Variants in MANBAL observed in about 807,000 individuals in gnomAD.
MANBAL encodes the protein protein MANBAL.
MANBAL carries 1 observed loss-of-function variant against 6.4 expected under a neutral mutation model. The ratio of observed to expected loss-of-function variants is 0.16; its 90% CI spans 0.06 to 0.74. The LOEUF is 0.74. Among genes scored for constraint, MANBAL ranks in the 30% least tolerant of loss-of-function variants. The probability of loss-of-function intolerance (pLI) is 0.78; values close to 1 mark genes in which losing one functional copy is unlikely to be tolerated. For missense variants in MANBAL, 100 were observed against 107.8 expected, an observed-to-expected ratio of 0.93 and a Z score of 0.32; for synonymous variants, 47 against 45.8, an observed-to-expected ratio of 1.03 and a Z score of -0.10.
chr20:37,301,137 T>G, intron 1 of MANBAL, 71 bp from the exon 2 acceptor site: 1 of 772,182 alleles, frequency 1.3e-6, no homozygotes, highest in Non-Finnish European at 1.7e-6. Context: ...CTCCATCTCA[T>G]AAATAAATAA....
intron 2 of MANBAL, among the ~76,000 whole-genome samples, chr20:37,306,260 T>G (rs2069255645): frequency 6.6e-6 from 1 of 152,220 alleles, no homozygotes; most frequent in Non-Finnish European, 1.5e-5. Flanking sequence ...AGATAATATT[T>G]TTGGCTCCAG....
intron 1 of MANBAL, among the ~76,000 whole-genome samples, chr20:37,295,744 G>A (rs1222587536): frequency 6.6e-6 from 1 of 152,202 alleles, no homozygotes; most frequent in East Asian, 1.9e-4. Flanking sequence ...TGAAGTATGC[G>A]AGTTGCTGCC....
chr20:37,316,767 A>AT lies in MANBAL; in HGVS notation c.*355dup. 1 of 217,024 alleles carries AT rather than the reference A, an allele frequency of 4.6e-6. No individual in the cohort carries two copies. Among genetic ancestry groups the AT allele is most frequent in the Non-Finnish European group, 9.2e-6 (1 of 108,612 alleles). The allele number at this position is 217,024 out of a possible 1,614,324, so 13.4% of individuals were successfully genotyped here. On this transcript the variant is annotated 3_prime_UTR_variant, in exon 3 of 3. Coordinates refer to ENST00000373606, the MANE Select transcript of MANBAL (RefSeq NM_001003897.2). Reference sequence around the variant, plus strand: ...CCCCCTCCTTGTGGGTTTACACTACATTTGGGAGTCATTGTCTAATGCTGA... The same window carrying AT: ...CCCCCTCCTTGTGGGTTTACACTACATTTTGGGAGTCATTGTCTAATGCTGA...
intron 2 of MANBAL, among the ~76,000 whole-genome samples, chr20:37,308,997 T>C (rs1392458752): frequency 6.6e-6 from 1 of 152,226 alleles, no homozygotes; most frequent in East Asian, 1.9e-4. Context: ...TGTTTGTTGA[T>C]TGCCACCGTC....
intron 2 of MANBAL, among the ~76,000 whole-genome samples, chr20:37,307,250 G>A (rs2069279789): frequency 1.3e-5 from 2 of 152,164 alleles, no homozygotes; most frequent in Non-Finnish European, 2.9e-5. Context: ...ACAGGCATGA[G>A]CCAGTGTGCC....
intron 1 of MANBAL, chr20:37,299,017 T>C (rs2069068718): frequency 7.1e-6 from 1 of 140,752 alleles, no homozygotes; most frequent in African/African-American, 2.6e-5. Context: ...GCTTACACTT[T>C]GGGCGTAACC....
intron 1 of MANBAL, among the ~76,000 whole-genome samples, chr20:37,300,169 C>A (rs935991243): frequency 3.3e-5 from 5 of 152,162 alleles, no homozygotes; most frequent in African/African-American, 1.2e-4. Flanking sequence ...TTTACTCAAT[C>A]AAATTGGAGG....
chr20:37,291,187 C>G (rs953603741), intron 1 of MANBAL, among the ~76,000 whole-genome samples: 1 of 152,016 alleles, frequency 6.6e-6, no homozygotes, highest in East Asian at 1.9e-4. Context: ...CCCCAATAAC[C>G]TTTTTGTTTT....
chr20:37,301,207 G>GGA lies in MANBAL; in HGVS notation c.-56-1_-56insGA, dbSNP rs1335059020. 4.9e-6 allele frequency: 7 copies of GGA among 1,436,378 alleles called. No homozygotes were observed. The Admixed American group carries it at 9.6e-5, about 20-fold the overall frequency. The allele number at this position is 1,436,378 out of a possible 1,614,324, so 89.0% of individuals were successfully genotyped here. A position where few individuals can be genotyped will look rare whatever the true frequency, so the allele number is the denominator to read the frequency against. On this transcript the variant is annotated splice_region_variant and 5_prime_UTR_variant. Coordinates refer to ENST00000373606, the MANE Select transcript of MANBAL (RefSeq NM_001003897.2). ...TGACACTGACCCTTTGCATTTACAAGTTGGTTCTAAAGAGTGGTGAGTCAG... is the reference window on the plus strand; with the variant it reads ...TGACACTGACCCTTTGCATTTACAAGGATTGGTTCTAAAGAGTGGTGAGTCAG...
intron 1 of MANBAL, among the ~76,000 whole-genome samples, chr20:37,293,499 T>C (rs2068919891): frequency 6.6e-6 from 1 of 152,094 alleles, no homozygotes; most frequent in Admixed American, 6.5e-5. Flanking sequence ...GCTGTAAATA[T>C]AAAAGAAACT....
At chr20:37,307,257 T>G (rs1189513425) in intron 2 of MANBAL, among the ~76,000 whole-genome samples, 1 of 152,206 alleles carries the variant, frequency 6.6e-6, no homozygotes, top group Non-Finnish European at 1.5e-5. Context: ...TGAGCCAGTG[T>G]GCCCGGCTTG....
In MANBAL at chr20:37,304,200, A is replaced by G. The variant is rs184937029; in HGVS notation, c.150+2787A>G. On this transcript the variant is annotated intron_variant, in intron 2 of 2. Coordinates refer to ENST00000373606, the MANE Select transcript of MANBAL (RefSeq NM_001003897.2). ...GGTCAAAATGTTGTGTTTAGTAACT[A>G]TTTTTCTCTGTGTAGGTCTCCCATC... 4.6e-3 allele frequency among the ~76,000 whole-genome samples: 699 copies of G among 152,118 alleles called. 4 individuals carry two copies. The highest frequency in any genetic ancestry group is 7.1e-3 in the Non-Finnish European group (484 of 67,980).
At chr20:37,316,265 C>G (rs2069512880) in intron 2 of MANBAL, 43 bp from the exon 3 acceptor site, 1 of 1,574,518 alleles carries the variant, frequency 6.4e-7, no homozygotes, top group African/African-American at 1.4e-5. Context: ...TGGCGTCAGG[C>G]TTGATCCATC....
intron 2 of MANBAL, among the ~76,000 whole-genome samples, chr20:37,314,107 C>T (rs2069449317): frequency 6.6e-6 from 1 of 152,150 alleles, no homozygotes. Flanking sequence ...CTTTGCTTAG[C>T]TGTGGGCGGA....
intron 2 of MANBAL, 59 bp downstream of exon 2, chr20:37,301,472 A>G (rs1600905691): frequency 6.4e-7 from 1 of 1,571,372 alleles, no homozygotes; most frequent in East Asian, 2.3e-5. Context: ...TCTGAGTACT[A>G]ACAGTAGGTG....
chr20:37,306,436 C>T (rs1457276005), intron 2 of MANBAL, among the ~76,000 whole-genome samples: 2 of 152,148 alleles, frequency 1.3e-5, no homozygotes, highest in Non-Finnish European at 2.9e-5. Context: ...ATGCTTCCCA[C>T]CCCACCCCCT....
intron 2 of MANBAL, among the ~76,000 whole-genome samples, chr20:37,309,844 A>G (rs2069341518): frequency 6.6e-6 from 1 of 151,950 alleles, no homozygotes; most frequent in African/African-American, 2.4e-5. Flanking sequence ...CATTCTCAAC[A>G]CCTCAGGACA....
At position 37,316,410 on chromosome 20, in the gene MANBAL, C is replaced by CGGTAGAAGA; in HGVS notation, c.256_*6dup. 1 of 1,612,614 alleles carries CGGTAGAAGA rather than the reference C, an allele frequency of 6.2e-7. No homozygotes were observed. The highest frequency in any genetic ancestry group is 1.1e-5 in the South Asian group (1 of 91,012). ...GCCCAAGAAAGAGACTAAGAAGAAG[C>CGGTAGAAGA]GGTAGAAGAGGAGGCCTGAGGAGCT... On this transcript the variant is annotated stop_gained and inframe_insertion, in exon 3 of 3. Coordinates refer to ENST00000373606, the MANE Select transcript of MANBAL (RefSeq NM_001003897.2). LOFTEE classifies it high-confidence loss of function.
intron 2 of MANBAL, among the ~76,000 whole-genome samples, chr20:37,313,684 C>T (rs2069440747): frequency 6.6e-6 from 1 of 152,142 alleles, no homozygotes; most frequent in South Asian, 2.1e-4. Flanking sequence ...CCAGCCTGGG[C>T]AAAAGAGTGA....
Sources: allele counts gnomAD v4.1 joint callset (sites outside exome capture counted in the v4.1 genomes callset), GRCh38; gene constraint gnomAD v4.1.1; transcripts MANE v1.5; gene names NCBI Gene and HGNC (gene_info 2026-07-23, HGNC 2026-07-21).